CNTN4: variants seen among roughly 807,000 people sequenced by gnomAD.
The protein encoded by CNTN4 is contactin-4.
In CNTN4, 77 loss-of-function variants were observed where a neutral mutation model predicts 122.5. The ratio of observed to expected loss-of-function variants is 0.63; its 90% CI spans 0.52 to 0.76. The LOEUF (loss-of-function observed/expected upper bound fraction) is 0.76. Among genes scored for constraint, CNTN4 ranks in the 30% least tolerant of loss-of-function variants. The probability of loss-of-function intolerance (pLI) is 0.00; values close to 1 mark genes in which losing one functional copy is unlikely to be tolerated. For synonymous variants in CNTN4, 512 were observed against 447.0 expected (o/e 1.15, Z -1.83); for missense variants, 1,256 against 1,259.1 (o/e 1.00, Z 0.04).
At chr3:2,612,941 C>T (rs950373521) in intron 4 of CNTN4, among the ~76,000 whole-genome samples, 3 of 152,098 alleles carry the variant, frequency 2.0e-5, no homozygotes, top group African/African-American at 7.2e-5. Context: ...TAGTAGATCT[C>T]TTTTTATTGT....
intron 6 of CNTN4, among the ~76,000 whole-genome samples, chr3:2,793,762 T>G (rs189796161): frequency 6.6e-6 from 1 of 152,320 alleles, no homozygotes; most frequent in Admixed American, 6.5e-5. Flanking sequence ...TAACCATTTC[T>G]TGCCTTGATT....
chr3:2,338,933 G>A (rs570542069), intron 2 of CNTN4, among the ~76,000 whole-genome samples: 1 of 152,172 alleles, frequency 6.6e-6, no homozygotes, highest in South Asian at 2.1e-4. Flanking sequence ...AAGATAGAGT[G>A]GTGATGACCT....
In CNTN4 at chr3:2,615,579, CT is replaced by C. The variant is rs1457188756; in HGVS notation, c.55+44022del. 7.7e-5 allele frequency among the ~76,000 whole-genome samples: 5 copies of C among 65,170 alleles called. No homozygotes were observed. The African/African-American group carries it at 9.8e-4, about 13-fold the overall frequency. The allele number at this position is 65,170 out of a possible 152,430, so 42.8% of individuals were successfully genotyped here. A position where few individuals can be genotyped will look rare whatever the true frequency, so the allele number is the denominator to read the frequency against. On this transcript the variant is annotated intron_variant, in intron 4 of 24. Coordinates refer to ENST00000418658, the MANE Select transcript of CNTN4 (RefSeq NM_175607.3). ...AATGAAGTTCATCATCTATTTCACT[CT>C]AAAAAAAAACTTAGAGGGCTAAGCA...
chr3:2,176,578 A>T (rs1291942988), intron 2 of CNTN4, among the ~76,000 whole-genome samples: 1 of 152,156 alleles, frequency 6.6e-6, no homozygotes. Flanking sequence ...TGGTATGCAC[A>T]TATGGCCAAC....
intron 4 of CNTN4, among the ~76,000 whole-genome samples, chr3:2,714,001 A>G (rs1222111083): frequency 6.6e-6 from 1 of 152,158 alleles, no homozygotes; most frequent in Non-Finnish European, 1.5e-5. Context: ...TCATGGAGAC[A>G]TGGCCGTTAA....
chr3:2,748,689 C>A (rs927325342), intron 6 of CNTN4, among the ~76,000 whole-genome samples: 1 of 152,164 alleles, frequency 6.6e-6, no homozygotes, highest in Non-Finnish European at 1.5e-5. Flanking sequence ...TTTGCTAAAG[C>A]CTTGCTAAAA....
At chr3:3,053,181 T>G (rs1701438148) in intron 23 of CNTN4, among the ~76,000 whole-genome samples, 1 of 152,176 alleles carries the variant, frequency 6.6e-6, no homozygotes, top group Non-Finnish European at 1.5e-5. Context: ...ATTACAGGTG[T>G]GTGCCATCAT....
intron 3 of CNTN4, among the ~76,000 whole-genome samples, chr3:2,456,429 C>A (rs1206763747): frequency 6.6e-6 from 1 of 152,060 alleles, no homozygotes; most frequent in African/African-American, 2.4e-5. Context: ...ACGCTTACAC[C>A]GATGTGCAGC....
intron 4 of CNTN4, among the ~76,000 whole-genome samples, chr3:2,717,818 G>A (rs767173584): frequency 6.6e-6 from 1 of 151,726 alleles, no homozygotes; most frequent in Admixed American, 6.6e-5. Flanking sequence ...TATTTTCTGG[G>A]TTTTTTTGTT....
At chr3:2,343,598 C>T (rs1322828214) in intron 3 of CNTN4, among the ~76,000 whole-genome samples, 1 of 152,208 alleles carries the variant, frequency 6.6e-6, no homozygotes, top group African/African-American at 2.4e-5. Flanking sequence ...GAGCCACTTG[C>T]TCAAGATTGC....
intron 12 of CNTN4, among the ~76,000 whole-genome samples, chr3:2,921,453 G>A (rs759768636): frequency 3.3e-5 from 5 of 152,066 alleles, no homozygotes; most frequent in Non-Finnish European, 7.4e-5. Flanking sequence ...AGAAATTTGG[G>A]GTCTCATAAT....
chr3:2,851,216 A>G (rs538953187), intron 7 of CNTN4, among the ~76,000 whole-genome samples: 17 of 152,328 alleles, frequency 1.1e-4, no homozygotes, highest in African/African-American at 3.8e-4. Flanking sequence ...AATCATCTTA[A>G]TCCATCTCTC....
At chr3:2,746,972 G>GA (rs1384943309) in intron 6 of CNTN4, among the ~76,000 whole-genome samples, 5 of 151,856 alleles carry the variant, frequency 3.3e-5, no homozygotes, top group African/African-American at 1.2e-4. Context: ...ATTAATTTTT[G>GA]GAAATAACCA....
chr3:2,120,576 T>G (rs1385408149), intron 2 of CNTN4, among the ~76,000 whole-genome samples: 1 of 151,100 alleles, frequency 6.6e-6, no homozygotes, highest in Non-Finnish European at 1.5e-5. Flanking sequence ...CTAATTTTTG[T>G]ATTTTTAGTA....
At chr3:2,671,404 C>T (rs768292000) in intron 4 of CNTN4, among the ~76,000 whole-genome samples, 8 of 152,180 alleles carry the variant, frequency 5.3e-5, no homozygotes, top group South Asian at 4.1e-4. Context: ...CTTGTGCGTT[C>T]GTCACATAGT....
At chr3:2,961,046 C>T (rs1577410343) in intron 13 of CNTN4, among the ~76,000 whole-genome samples, 1 of 139,904 alleles carries the variant, frequency 7.1e-6, no homozygotes, top group Non-Finnish European at 1.6e-5. Context: ...CTGGCTAACA[C>T]GGTGAAACCC....
Position 2,414,078 on chromosome 3 carries a change from C to T in CNTN4, c.-89+74845C>T, listed in dbSNP as rs116327714. 5.7e-3 allele frequency among the ~76,000 whole-genome samples: 861 copies of T among 152,216 alleles called. 6 individuals carry two copies. Among genetic ancestry groups the T allele is most frequent in the African/African-American group, 0.014 (587 of 41,532 alleles). ...CAGTGGGGACAGTGCCTCCAGCATA[C>T]GAATGATATAGGTAGAGATATGGCT... On this transcript the variant is annotated intron_variant, in intron 3 of 24. Transcript: ENST00000418658.
chr3:2,799,627 T>A (rs2092297101), intron 6 of CNTN4, among the ~76,000 whole-genome samples: 1 of 152,144 alleles, frequency 6.6e-6, no homozygotes, highest in Non-Finnish European at 1.5e-5. Flanking sequence ...CATGCCCGGC[T>A]AATTTTTGTA....
rs563991148 is a variant in CNTN4, at chr3:2,227,783, T to C, written c.-144-111395T>C. On this transcript the variant is annotated intron_variant, in intron 2 of 24. Transcript: ENST00000418658. ...TTTAAGTCAGTGGCAGAGAGGAGAT[T>C]AAATAGTAAATGAAGACCTATTTAT... Among the ~76,000 whole-genome samples, 6 of 152,294 alleles carry C rather than the reference T, an allele frequency of 3.9e-5. No homozygotes were observed. In the South Asian group the frequency reaches 1.2e-3, roughly 32 times the overall value.
Sources: gnomAD v4.1 joint callset for allele counts (sites outside exome capture counted in the v4.1 genomes callset) on GRCh38, gnomAD v4.1.1 for gene constraint, MANE v1.5 for transcripts, NCBI Gene and HGNC (gene_info 2026-07-23, HGNC 2026-07-21) for gene names.